Variants in ALMS1 observed in about 807,000 individuals in gnomAD.
ALMS1 encodes the protein ALMS1 centrosome and basal body associated protein, also known as centrosome-associated protein ALMS1.
A neutral mutation model predicts 352.2 loss-of-function variants in ALMS1; 271 were observed. The observed-to-expected ratio is 0.77, with a 90% CI of 0.70 to 0.85. The LOEUF is 0.85. Ranked by LOEUF, ALMS1 falls within the 40% of genes least tolerant of loss-of-function variation. The probability of loss-of-function intolerance (pLI) is 0.00; values close to 1 mark genes in which losing one functional copy is unlikely to be tolerated. For missense variants in ALMS1, 5,445 were observed against 4,870.7 expected (o/e 1.12, Z -3.51); for synonymous variants, 1,865 against 1,761.2 (o/e 1.06, Z -1.48).
intron 15 of ALMS1, 64 bp from the exon 16 acceptor site, chr2:73,572,198 T>C (rs1346680825): frequency 2.2e-6 from 3 of 1,339,380 alleles, no homozygotes; most frequent in Non-Finnish European, 3.1e-6. Context: ...GAATTGTGAA[T>C]AGTATTTCTA....
chr2:73,407,603 T>G (rs747580117), intron 1 of ALMS1, among the ~76,000 whole-genome samples: 3 of 152,268 alleles, frequency 2.0e-5, no homozygotes, highest in Non-Finnish European at 4.4e-5. Context: ...TCCTTTAATT[T>G]CAGCTTGAAG....
intron 1 of ALMS1, among the ~76,000 whole-genome samples, chr2:73,396,153 C>A (rs547211028): frequency 6.6e-6 from 1 of 151,960 alleles, no homozygotes; most frequent in South Asian, 2.1e-4. Flanking sequence ...AGTTTCTATC[C>A]CTAATTTCTT....
In ALMS1 at chr2:73,432,208, A is replaced by G. The variant is rs1474714325; in HGVS notation, c.1349A>G (p.Glu450Gly). The G allele has an allele frequency of 1.2e-6, 2 of 1,612,510 alleles. No homozygotes were observed. The highest frequency in any genetic ancestry group is 2.2e-5 in the East Asian group (1 of 44,802). The change falls in exon 7 of 23, where the codon GAG becomes GGG. Residue 450 changes from glutamate to glycine, a missense_variant. Glu to Gly is a moderately conservative substitution (Grantham distance 98). Coordinates refer to ENST00000613296, the MANE Select transcript of ALMS1 (RefSeq NM_001378454.1). Reference protein sequence around the residue: ...VAELQRKPTRESEYHSSDLRM... With the variant: ...VAELQRKPTRGSEYHSSDLRM... ...TTTGTTCCACATAAGCCAACAAGAG[A>G]GTCGGAATATCACTCTTCAGATCTC... is the stretch of plus-strand genomic sequence containing the variant.
At chr2:73,495,925 C>G (rs1673096577) in intron 10 of ALMS1, among the ~76,000 whole-genome samples, 1 of 152,144 alleles carries the variant, frequency 6.6e-6, no homozygotes, top group Non-Finnish European at 1.5e-5. Flanking sequence ...AAAACAAATT[C>G]TGCATCTAGA....
At chr2:73,403,480 G>GT (rs567964736) in intron 1 of ALMS1, among the ~76,000 whole-genome samples, 1 of 151,868 alleles carries the variant, frequency 6.6e-6, no homozygotes, top group Non-Finnish European at 1.5e-5. Flanking sequence ...CTCCAACTTT[G>GT]TTTTTGTCTT....
intron 13 of ALMS1, among the ~76,000 whole-genome samples, chr2:73,552,046 TTTTTA>T (rs980791808): frequency 3.3e-5 from 5 of 152,178 alleles, no homozygotes; most frequent in African/African-American, 1.2e-4. Flanking sequence ...TGCATGGTTT[TTTTTA>T]TTTTATTTTA....
rs2103783756 is a variant in ALMS1 at position 73,451,241 on chromosome 2, T to G, written c.4714T>G (p.Ser1572Ala). The G allele has an allele frequency of 3.1e-6, 5 of 1,613,612 alleles. No individual in the cohort carries two copies. The highest frequency in any genetic ancestry group is 4.2e-6 in the Non-Finnish European group (5 of 1,179,900). ...ACCAACCATAACCTCTACTTCCTAC[T>G]CATTTGGAGAGAAGCCGATTGTTAA... ...GIPTITSTSY[S>A]FGEKPIVNYK... Residue 1572 changes from serine to alanine, a missense_variant, in exon 8 of 23, where the codon TCA (serine) becomes GCA (alanine). Ser to Ala is a moderately conservative substitution (Grantham distance 99). Transcript: ENST00000613296.
intron 12 of ALMS1, among the ~76,000 whole-genome samples, chr2:73,547,874 A>G (rs1310419182): frequency 6.6e-6 from 1 of 152,156 alleles, no homozygotes; most frequent in African/African-American, 2.4e-5. Flanking sequence ...CATGAGTATC[A>G]CAGTGTTATC....
chr2:73,414,478 T>TTTTTTTTGG (rs1671143375), intron 2 of ALMS1, among the ~76,000 whole-genome samples: 6 of 93,318 alleles, frequency 6.4e-5, no homozygotes, highest in South Asian at 4.6e-4. Flanking sequence ...TTTCCGTTTT[T>TTTTTTTTGG]TTTTTTTTTT....
At position 73,451,481 on chromosome 2, in the gene ALMS1, G is replaced by C. The variant is rs752489121; in HGVS notation, c.4954G>C (p.Asp1652His). ...VKVSAAPGPA[D>H]QKTETLPVHS... ...AGTTTCAGCTGCTCCTGGACCAGCT[G>C]ACCAGAAGACTGAGACATTACCAGT... The change falls in exon 8 of 23, where the codon GAC becomes CAC. Residue 1652 changes from aspartate (D) to histidine (H), a missense_variant. By Grantham distance (81) the Asp-to-His change is moderately conservative. Transcript: ENST00000613296. 1.2e-6 allele frequency: 2 copies of C among 1,614,106 alleles called. No individual in the cohort carries two copies. The highest frequency in any genetic ancestry group is 1.7e-6 in the Non-Finnish European group (2 of 1,179,990).
chr2:73,424,309 T>G, intron 4 of ALMS1, 121 bp from the exon 5 acceptor site: 1 of 678,928 alleles, frequency 1.5e-6, no homozygotes, highest in Non-Finnish European at 2.3e-6. Context: ...GAGAGCTGTG[T>G]TTTTCAATAC....
At chr2:73,520,044 T>G (rs909988448) in intron 11 of ALMS1, 28 bp downstream of exon 11, 1 of 1,613,912 alleles carries the variant, frequency 6.2e-7, no homozygotes, top group Non-Finnish European at 8.5e-7. Flanking sequence ...CATTTTAGAT[T>G]GTTAGACCAG....
chr2:73,583,487 G>A (rs1675234098), intron 16 of ALMS1, among the ~76,000 whole-genome samples: 2 of 152,114 alleles, frequency 1.3e-5, no homozygotes, highest in African/African-American at 4.8e-5. Context: ...TGATGTACAA[G>A]TTTTTAAGTT....
chr2:73,464,839 A>G (rs1051316471), intron 9 of ALMS1, among the ~76,000 whole-genome samples: 1 of 152,182 alleles, frequency 6.6e-6, no homozygotes, highest in Non-Finnish European at 1.5e-5. Flanking sequence ...GTGAACTCCC[A>G]TTCACAGTTG....
At chr2:73,562,801 C>G (rs1456646927) in intron 15 of ALMS1, among the ~76,000 whole-genome samples, 1 of 151,808 alleles carries the variant, frequency 6.6e-6, no homozygotes, top group African/African-American at 2.4e-5. Flanking sequence ...GCAGGAGAAG[C>G]GCTTGATTCC....
Position 73,432,259 on chromosome 2 carries a change from CTG to C in ALMS1, c.1403_1404del (p.Val468AlafsTer5), listed in dbSNP as rs1558642193. On this transcript the variant is annotated frameshift_variant, in exon 7 of 23. Transcript: ENST00000613296. LOFTEE classifies it high-confidence loss of function. ...AGAATGTTGAGGATGTCTCCTGACA[CTG>C]TGCCAAAGGCTCCTAAACATTTAAA... 6.2e-7 allele frequency: 1 copy of C among 1,613,370 alleles called. No homozygotes were observed. Among genetic ancestry groups the C allele is most frequent in the Non-Finnish European group, 8.5e-7 (1 of 1,179,452 alleles).
intron 12 of ALMS1, among the ~76,000 whole-genome samples, chr2:73,535,393 T>A (rs890226472): frequency 2.0e-5 from 3 of 152,136 alleles, no homozygotes; most frequent in African/African-American, 4.8e-5. Flanking sequence ...GAAAAAAAAA[T>A]TTGTTCATAA....
chr2:73,468,799 AATT>A (rs1672410544), intron 9 of ALMS1, among the ~76,000 whole-genome samples: 1 of 152,000 alleles, frequency 6.6e-6, no homozygotes, highest in African/African-American at 2.4e-5. Flanking sequence ...CTTTTAAAGT[AATT>A]AACAATAAGG....
intron 12 of ALMS1, among the ~76,000 whole-genome samples, chr2:73,539,156 C>T (rs986921258): frequency 1.3e-5 from 2 of 152,196 alleles, no homozygotes; most frequent in African/African-American, 4.8e-5. Context: ...ACTGACACTT[C>T]ACACGGCCGG....
Sources: allele counts gnomAD v4.1 joint callset (sites outside exome capture counted in the v4.1 genomes callset), GRCh38; gene constraint gnomAD v4.1.1; transcripts MANE v1.5; gene names NCBI Gene and HGNC (gene_info 2026-07-23, HGNC 2026-07-21).